The following KIR3DL2 variants were observed in gnomAD, a reference collection of about 807,000 sequenced individuals.
KIR3DL2 encodes killer cell immunoglobulin like receptor, three Ig domains and long cytoplasmic tail 2, also known as killer cell immunoglobulin-like receptor 3DL2.
Under a neutral mutation model 41.6 loss-of-function variants are expected in KIR3DL2, and 42 were observed. The ratio of observed to expected loss-of-function variants is 1.01; its 90% CI spans 0.79 to 1.31. The LOEUF (loss-of-function observed/expected upper bound fraction) is 1.31, where lower values mean the gene tolerates loss of function less well. Ranked by LOEUF, KIR3DL2 falls within the 50% of genes most tolerant of loss-of-function variation. The pLI, the probability that KIR3DL2 is intolerant of heterozygous loss-of-function variation, is 0.00. For missense variants in KIR3DL2, 728 were observed against 576.8 expected (o/e 1.26, Z -2.68); for synonymous variants, 230 against 221.3 (o/e 1.04, Z -0.35).
intron 6 of KIR3DL2, among the ~76,000 whole-genome samples, chr19:54,860,773 G>C (rs2065115344): frequency 7.0e-6 from 1 of 143,450 alleles, no homozygotes; most frequent in South Asian, 2.3e-4. Flanking sequence ...GAAAAACACG[G>C]ATTGAACCCC....
At position 54,866,361 on chromosome 19, in the gene KIR3DL2, C is replaced by T; in HGVS notation, c.1106-9C>T. 2 of 1,613,980 alleles carry T rather than the reference C, an allele frequency of 1.2e-6. No homozygotes were observed. The highest frequency in any genetic ancestry group is 1.1e-5 in the South Asian group (1 of 91,084). On this transcript the variant is annotated splice_polypyrimidine_tract_variant and intron_variant, in intron 7 of 8. Transcript: ENST00000326321. ...TCCAAGCGGTTTTGATGACTTCCGT[C>T]TCCTACAGATGCTGCTGTAATGGAC...
chr19:54,856,002 G>C (rs2064741550), intron 5 of KIR3DL2, 90 bp downstream of exon 5: 2 of 1,472,464 alleles, frequency 1.4e-6, no homozygotes, highest in African/African-American at 2.9e-5. Context: ...AGCATGGACA[G>C]ATGCAGAGAG....
In KIR3DL2 at chr19:54,860,640, G is replaced by A. The variant is rs940742602; in HGVS notation, c.1000+1511G>A. The stretch of plus-strand genomic sequence containing the variant: ...TCCAATAGCCTCTGCCTCCCAACAC[G>A]CTGGGATAAGAGGCATGAGCCACGG... On this transcript the variant is annotated intron_variant, in intron 6 of 8. Transcript: ENST00000326321. 7.3e-5 allele frequency among the ~76,000 whole-genome samples: 11 copies of A among 151,212 alleles called. No homozygotes were observed. The South Asian group carries it at 1.0e-3, about 14-fold the overall frequency.
At chr19:54,865,680 C>G (rs1310076730) in intron 6 of KIR3DL2, 125 bp from the exon 7 acceptor site, 1 of 809,270 alleles carries the variant, frequency 1.2e-6, no homozygotes, top group Non-Finnish European at 2.1e-6. Context: ...AGCTGGGTCT[C>G]CCGCCATCAG....
In KIR3DL2 at chr19:54,852,278, C is replaced by A. The variant is rs1436483653; in HGVS notation, c.351C>A (p.Val117=). 8.1e-6 allele frequency: 13 copies of A among 1,606,694 alleles called. No individual in the cohort carries two copies. The highest frequency in any genetic ancestry group is 2.7e-5 in the African/African-American group (2 of 74,208). The change falls in exon 3 of 9, where the codon GTC becomes GTA. Residue 117 remains valine (V), a synonymous_variant. Coordinates refer to ENST00000326321, the MANE Select transcript of KIR3DL2 (RefSeq NM_006737.4). The part of the protein sequence containing the change: ...SAPSNPLVIM[V]TGNHRKPSLL... ...CCAGCAACCCCCTGGTGATCATGGT[C>A]ACAGGTCAGAGGCTTTCTGTCTGGG...
At chr19:54,855,084 T>G (rs1417280250) in intron 4 of KIR3DL2, among the ~76,000 whole-genome samples, 5 of 150,564 alleles carry the variant, frequency 3.3e-5, no homozygotes, top group African/African-American at 4.9e-5. Flanking sequence ...GACACATATA[T>G]AAATATATAG....
chr19:54,856,865 G>A (rs1010772458), intron 5 of KIR3DL2, among the ~76,000 whole-genome samples: 19 of 152,200 alleles, frequency 1.2e-4, no homozygotes, highest in African/African-American at 4.3e-4. Context: ...GCAAATGACA[G>A]GATGTTATTG....
At chr19:54,861,491 C>G (rs1299934302) in intron 6 of KIR3DL2, among the ~76,000 whole-genome samples, 2 of 151,436 alleles carry the variant, frequency 1.3e-5, no homozygotes, top group South Asian at 2.1e-4. Context: ...ACTAAAAATA[C>G]AAAAATTAAA....
At chr19:54,863,866 T>A (rs1041788797) in intron 6 of KIR3DL2, among the ~76,000 whole-genome samples, 9 of 152,104 alleles carry the variant, frequency 5.9e-5, no homozygotes, top group African/African-American at 2.2e-4. Context: ...TTTAATTAGA[T>A]CCCGTTTGTC....
intron 4 of KIR3DL2, among the ~76,000 whole-genome samples, chr19:54,854,684 G>A (rs2064592866): frequency 6.6e-6 from 1 of 151,736 alleles, no homozygotes; most frequent in African/African-American, 2.4e-5. Flanking sequence ...ACTTCAAAAA[G>A]CAAAGGCATA....
Position 54,852,193 on chromosome 19 carries a change from A to C in KIR3DL2, c.266A>C (p.His89Pro), listed in dbSNP as rs1427186893. The change falls in exon 3 of 9, where the codon CAT becomes CCT. Residue 89 changes from histidine to proline, a missense_variant. Physicochemically the swap from His to Pro is moderately conservative, Grantham distance 77. Transcript: ENST00000326321. ...ATCATGGGCCCTGTGACCCCAGCAC[A>C]TGCAGGGACCTACAGATGTCGGGGT... is the stretch of plus-strand genomic sequence containing the variant. ...SFIMGPVTPAHAGTYRCRGSR... is the reference protein window; with the variant it reads ...SFIMGPVTPAPAGTYRCRGSR... 3 of 1,612,514 alleles carry C rather than the reference A, an allele frequency of 1.9e-6. No homozygotes were observed. The highest frequency in any genetic ancestry group is 1.1e-5 in the South Asian group (1 of 91,056).
Position 54,862,828 on chromosome 19 carries a change from T to C in KIR3DL2, c.1001-2977T>C, listed in dbSNP as rs1308849486. Among the ~76,000 whole-genome samples, 12 of 131,772 alleles carry C rather than the reference T, an allele frequency of 9.1e-5. 2 individuals carry two copies. The highest frequency in any genetic ancestry group is 2.0e-4 in the Non-Finnish European group (12 of 61,264). 86.4% of individuals were successfully genotyped at this position (131,772 alleles called of 152,430 possible). A position where few individuals can be genotyped will look rare whatever the true frequency, so the allele number is the denominator to read the frequency against. On this transcript the variant is annotated intron_variant, in intron 6 of 8. Coordinates refer to ENST00000326321, the MANE Select transcript of KIR3DL2 (RefSeq NM_006737.4). ...TTTTTTTTTTTTTTTTTTTTTTGTA[T>C]AGTGCTTCTGATGAGCTTTTTTTTA... is the stretch of plus-strand genomic sequence containing the variant.
At position 54,866,842 on chromosome 19, in the gene KIR3DL2, A is replaced by G; in HGVS notation, c.*111A>G. 8.5e-7 allele frequency: 1 copy of G among 1,179,710 alleles called. No individual in the cohort carries two copies. The highest frequency in any genetic ancestry group is 1.2e-6 in the Non-Finnish European group (1 of 813,198). The allele number at this position is 1,179,710 out of a possible 1,614,324, so 73.1% of individuals were successfully genotyped here. On this transcript the variant is annotated 3_prime_UTR_variant, in exon 9 of 9. Transcript: ENST00000326321. The stretch of plus-strand genomic sequence containing the variant: ...GGGATCGCTCTTCCTCACACCACGA[A>G]TCTGAACATGCCTCTCTCTTGCTTA...
chr19:54,865,766 C>T (rs2065461082), intron 6 of KIR3DL2, 39 bp from the exon 7 acceptor site: 2 of 1,517,998 alleles, frequency 1.3e-6, no homozygotes. Context: ...AGAGGAACTG[C>T]TATGATTAGC....
chr19:54,852,708 T>C (rs2064385560), intron 3 of KIR3DL2, among the ~76,000 whole-genome samples: 1 of 150,726 alleles, frequency 6.6e-6, no homozygotes, highest in African/African-American at 2.5e-5. Context: ...GGAAGGCCAC[T>C]AGTCACAGAA....
chr19:54,853,351 C>T (rs142985854), intron 3 of KIR3DL2, among the ~76,000 whole-genome samples: 17,639 of 137,018 alleles, frequency 0.13, no homozygotes, highest in South Asian at 0.22. Flanking sequence ...CTGATGTCTG[C>T]CTTACTGATG....
chr19:54,853,513 G>A (rs1232790873), intron 3 of KIR3DL2, among the ~76,000 whole-genome samples: 1 of 151,692 alleles, frequency 6.6e-6, no homozygotes, highest in East Asian at 1.9e-4. Flanking sequence ...AAGAGATGAG[G>A]CTCTCTTCAC....
chr19:54,850,998 ATGGGCCTGGAGTGGAGATC>A (rs2064179672), intron 1 of KIR3DL2, among the ~76,000 whole-genome samples: 1 of 149,140 alleles, frequency 6.7e-6, no homozygotes, highest in Non-Finnish European at 1.5e-5. Flanking sequence ...GAGTGGAGAT[ATGGGCCTGGAGTGGAGATC>A]TGGGCCAGGA....
chr19:54,863,325 T>C (rs1219651895), intron 6 of KIR3DL2, among the ~76,000 whole-genome samples: 1 of 151,986 alleles, frequency 6.6e-6, no homozygotes, highest in African/African-American at 2.4e-5. Context: ...TACGTGTCCA[T>C]GTGTCTTTAT....
Sources: gnomAD v4.1 joint callset for allele counts (sites outside exome capture counted in the v4.1 genomes callset) on GRCh38, gnomAD v4.1.1 for gene constraint, MANE v1.5 for transcripts, NCBI Gene and HGNC (gene_info 2026-07-23, HGNC 2026-07-21) for gene names.